MCM6: variants seen among roughly 807,000 people sequenced by gnomAD.
MCM6 encodes the protein DNA replication licensing factor MCM6.
A neutral mutation model predicts 94.3 loss-of-function variants in MCM6; 46 were observed. The observed-to-expected ratio is 0.49, with a 90% CI of 0.39 to 0.62. MCM6 has a LOEUF of 0.62. Among genes scored for constraint, MCM6 ranks in the 20% least tolerant of loss-of-function variants. MCM6 has a pLI of 0.00. For synonymous variants in MCM6, 335 were observed against 351.9 expected (o/e 0.95, Z 0.54); for missense variants, 865 against 1,017.9 (o/e 0.85, Z 2.04).
chr2:135,875,250 G>A (rs1169254725), intron 1 of MCM6, among the ~76,000 whole-genome samples: 1 of 152,120 alleles, frequency 6.6e-6, no homozygotes, highest in Non-Finnish European at 1.5e-5. Flanking sequence ...TGTAATTCCA[G>A]CTAGTAGGGA....
intron 13 of MCM6, among the ~76,000 whole-genome samples, chr2:135,850,471 G>C (rs1679754527): frequency 1.3e-5 from 2 of 151,964 alleles, no homozygotes; most frequent in African/African-American, 4.8e-5. Context: ...TGGAAGGCAG[G>C]GGCTCTCATT....
At chr2:135,855,032 T>C (rs1331044429) in intron 11 of MCM6, among the ~76,000 whole-genome samples, 3 of 152,118 alleles carry the variant, frequency 2.0e-5, no homozygotes, top group East Asian at 3.9e-4. Flanking sequence ...GGCACACGCC[T>C]ATAATCCCAG....
At chr2:135,850,520 T>C (rs988511328) in intron 13 of MCM6, among the ~76,000 whole-genome samples, 1 of 152,096 alleles carries the variant, frequency 6.6e-6, no homozygotes, top group Non-Finnish European at 1.5e-5. Flanking sequence ...AAATATTGGG[T>C]GAATCAAAGA....
chr2:135,876,418 CT>C lies in MCM6; in HGVS notation c.-54del, dbSNP rs1167333805. On this transcript the variant is annotated 5_prime_UTR_variant, in exon 1 of 17. Coordinates refer to ENST00000264156, the MANE Select transcript of MCM6 (RefSeq NM_005915.6). ...CGCCACGCTCGACCGCCACAAGTCG[CT>C]TTTTTCCAGACGCTGCAGCTTTGCG... The C allele has an allele frequency of 7.4e-6, 11 of 1,485,880 alleles. No homozygotes were observed. The highest frequency in any genetic ancestry group is 2.4e-5 in the East Asian group (1 of 41,546). The allele number at this position is 1,485,880 out of a possible 1,614,324, so 92.0% of individuals were successfully genotyped here. A position where few individuals can be genotyped will look rare whatever the true frequency, so the allele number is the denominator to read the frequency against.
Position 135,862,737 on chromosome 2 carries a change from C to G in MCM6, c.1090G>C (p.Val364Leu), listed in dbSNP as rs746976033. ...AGCATCAGCAGGACACCCCGTTTTACTTCATCATTGCCTGAAATGAAAAGA... is the reference window on the plus strand; with the variant it reads ...AGCATCAGCAGGACACCCCGTTTTAGTTCATCATTGCCTGAAATGAAAAGA... ...LFPTIHGNDE[V>L]KRGVLLMLFG... The change falls in exon 8 of 17, where the codon GTA (valine) becomes CTA (leucine). Residue 364 changes from valine to leucine, a missense_variant. Coordinates refer to ENST00000264156, the MANE Select transcript of MCM6 (RefSeq NM_005915.6). 5 of 1,613,846 alleles carry G rather than the reference C, an allele frequency of 3.1e-6. No individual in the cohort carries two copies. The South Asian group carries it at 5.5e-5, about 18-fold the overall frequency.
At chr2:135,852,178 T>C (rs1055606125) in intron 12 of MCM6, among the ~76,000 whole-genome samples, 1 of 152,176 alleles carries the variant, frequency 6.6e-6, no homozygotes, top group African/African-American at 2.4e-5. Flanking sequence ...TCATGAATAA[T>C]CAAGTGAAGA....
intron 11 of MCM6, among the ~76,000 whole-genome samples, chr2:135,855,996 C>A (rs1255999795): frequency 6.6e-6 from 1 of 150,828 alleles, no homozygotes; most frequent in Non-Finnish European, 1.5e-5. Context: ...CATTCAGCAA[C>A]TTGATAGGAA....
intron 16 of MCM6, among the ~76,000 whole-genome samples, chr2:135,843,451 G>A (rs1679608962): frequency 6.6e-6 from 1 of 152,074 alleles, no homozygotes; most frequent in Non-Finnish European, 1.5e-5. Context: ...GAAAGATTCA[G>A]GCCAGGCACG....
intron 16 of MCM6, among the ~76,000 whole-genome samples, chr2:135,842,396 A>G (rs1185194447): frequency 6.6e-6 from 1 of 152,176 alleles, no homozygotes; most frequent in Non-Finnish European, 1.5e-5. Context: ...TAATATTTAT[A>G]TAGTGAGCCC....
rs769298062 is a variant in MCM6, at chr2:135,851,389, G to A, written c.1917+13C>T. ...TTATCTCTGCTCTCATCATATCAAA[G>A]TGACTCTGATACCTCATCACAGCAG... is the stretch of plus-strand genomic sequence containing the variant. On this transcript the variant is annotated intron_variant, in intron 13 of 16. Coordinates refer to ENST00000264156, the MANE Select transcript of MCM6 (RefSeq NM_005915.6). The A allele has an allele frequency of 1.2e-6, 2 of 1,604,772 alleles. No homozygotes were observed. Among genetic ancestry groups the A allele is most frequent in the Non-Finnish European group, 1.7e-6 (2 of 1,173,374 alleles).
intron 11 of MCM6, among the ~76,000 whole-genome samples, chr2:135,854,566 GAAA>G (rs972152147): frequency 3.0e-5 from 4 of 133,124 alleles, no homozygotes; most frequent in African/African-American, 1.1e-4. Context: ...AAAAGAAAAA[GAAA>G]AAGAAAAAGA....
chr2:135,853,471 C>A (rs1255201163), intron 11 of MCM6, among the ~76,000 whole-genome samples: 1 of 152,054 alleles, frequency 6.6e-6, no homozygotes, highest in Admixed American at 6.6e-5. Flanking sequence ...AATAGCAGAA[C>A]TAACATTTAT....
chr2:135,849,812 T>C (rs1679739739), intron 13 of MCM6, among the ~76,000 whole-genome samples: 1 of 152,086 alleles, frequency 6.6e-6, no homozygotes, highest in Non-Finnish European at 1.5e-5. Context: ...GCTAGGTAAA[T>C]AATGGGAGAA....
chr2:135,874,816 A>G (rs1257113020), intron 1 of MCM6, among the ~76,000 whole-genome samples: 2 of 152,224 alleles, frequency 1.3e-5, no homozygotes, highest in Non-Finnish European at 2.9e-5. Context: ...AGGGATACTC[A>G]ATGTGTACAG....
At chr2:135,869,496 G>T (rs1232494091) in intron 3 of MCM6, among the ~76,000 whole-genome samples, 5 of 150,702 alleles carry the variant, frequency 3.3e-5, no homozygotes, top group Non-Finnish European at 7.4e-5. Flanking sequence ...AAAAGCATGT[G>T]TTACATAATA....
At chr2:135,854,387 G>A (rs945772740) in intron 11 of MCM6, among the ~76,000 whole-genome samples, 5 of 151,574 alleles carry the variant, frequency 3.3e-5, no homozygotes, top group Non-Finnish European at 5.9e-5. Flanking sequence ...AAAATTAGCC[G>A]GGCATGGTGG....
intron 6 of MCM6, 112 bp from the exon 7 acceptor site, chr2:135,865,275 T>A: frequency 1.4e-6 from 1 of 714,694 alleles, no homozygotes; most frequent in Non-Finnish European, 2.1e-6. Flanking sequence ...AACCTCACAA[T>A]TTATTGACTG....
intron 11 of MCM6, among the ~76,000 whole-genome samples, chr2:135,855,805 A>C (rs1298837301): frequency 1.3e-5 from 2 of 152,216 alleles, no homozygotes; most frequent in East Asian, 3.8e-4. Flanking sequence ...TGAATGATTT[A>C]AAAAGTACAG....
Position 135,866,722 on chromosome 2 carries a change from T to C in MCM6, c.622A>G (p.Ile208Val), listed in dbSNP as rs757834916. The C allele has an allele frequency of 6.8e-6, 11 of 1,606,660 alleles. No individual in the cohort carries two copies. The Admixed American group carries it at 1.2e-4, about 18-fold the overall frequency. Reference protein sequence around the residue: ...SRFVDFQKVRIQETQAELPRG... With the variant: ...SRFVDFQKVRVQETQAELPRG... ...GGAAGCTCAGCTTGGGTCTCTTGAA[T>C]ACGAACCTGTAATACAGACAAACAA... The change falls in exon 5 of 17, where the codon ATT (isoleucine) becomes GTT (valine). Residue 208 changes from isoleucine (I) to valine (V), a missense_variant. Physicochemically the swap from Ile to Val is conservative, Grantham distance 29. Coordinates refer to ENST00000264156, the MANE Select transcript of MCM6 (RefSeq NM_005915.6).
Sources: gnomAD v4.1 joint callset for allele counts (sites outside exome capture counted in the v4.1 genomes callset) on GRCh38, gnomAD v4.1.1 for gene constraint, MANE v1.5 for transcripts, NCBI Gene and HGNC (gene_info 2026-07-23, HGNC 2026-07-21) for gene names.